The following MMP19 variants were observed in gnomAD, a reference collection of about 807,000 sequenced individuals.
MMP19 encodes matrix metalloproteinase-19.
Under a neutral mutation model 46.6 loss-of-function variants are expected in MMP19, and 47 were observed. The observed-to-expected ratio is 1.01, with a 90% CI of 0.80 to 1.29. The LOEUF is 1.29. MMP19 is among the 50% of genes most tolerant of loss of function. MMP19 has a pLI of 0.00. For synonymous variants in MMP19, 222 were observed against 248.5 expected, an observed-to-expected ratio of 0.89 and a Z score of 1.00; for missense variants, 589 against 643.5, an observed-to-expected ratio of 0.92 and a Z score of 0.92.
intron 5 of MMP19, 87 bp downstream of exon 5, chr12:55,839,409 A>G (rs1881506150): frequency 6.8e-7 from 1 of 1,477,666 alleles, no homozygotes; most frequent in Admixed American, 2.2e-5. Context: ...ACTAAGCTAT[A>G]TCCCTACATG....
chr12:55,838,356 C>G (rs1881411934), intron 6 of MMP19: 2 of 765,394 alleles, frequency 2.6e-6, no homozygotes, highest in Admixed American at 4.6e-5. Flanking sequence ...CTCCATCTTG[C>G]TGCATTTCCA....
intron 4 of MMP19, 76 bp from the exon 5 acceptor site, chr12:55,839,817 CTAAT>C: frequency 6.7e-7 from 1 of 1,492,758 alleles, no homozygotes; most frequent in Non-Finnish European, 9.0e-7. Context: ...ATTATAAACT[CTAAT>C]TAATGCATAC....
At chr12:55,839,856 C>G in intron 4 of MMP19, 115 bp from the exon 5 acceptor site, 3 of 1,345,208 alleles carry the variant, frequency 2.2e-6, no homozygotes, top group Non-Finnish European at 1.0e-6. Context: ...CAGCTATGTT[C>G]ACTGTCTCTT....
rs1037390402 is a variant in MMP19 at position 55,836,265 on chromosome 12, G to A, written c.*771C>T. The A allele has an allele frequency of 1.3e-5, 2 of 152,236 alleles. No homozygotes were observed. Among genetic ancestry groups the A allele is most frequent in the Non-Finnish European group, 2.9e-5 (2 of 68,040 alleles). The allele number at this position is 152,236 out of a possible 1,614,324, so 9.4% of individuals were successfully genotyped here. A position where few individuals can be genotyped will look rare whatever the true frequency, so the allele number is the denominator to read the frequency against. Reference sequence around the variant, plus strand: ...TACTGAACCAGGGAGTCCAGCCTCTGCTGTTGCTGCTCTTTTCTTTCTCTG... The same window carrying A: ...TACTGAACCAGGGAGTCCAGCCTCTACTGTTGCTGCTCTTTTCTTTCTCTG... On this transcript the variant is annotated 3_prime_UTR_variant, in exon 9 of 9. Transcript: ENST00000322569.
In MMP19 at chr12:55,842,428, G is replaced by C; in HGVS notation, c.98C>G (p.Ser33Ter). The change falls in exon 2 of 9, where the codon TCA (serine) becomes TGA (stop). Residue 33 changes from serine (S) to a stop codon, truncating the protein, a stop_gained. Coordinates refer to ENST00000322569, the MANE Select transcript of MMP19 (RefSeq NM_002429.6). LOFTEE classifies it high-confidence loss of function. The stretch of plus-strand genomic sequence containing the variant: ...AGGCTTCTGTAGGTACCCATATTGT[G>C]ACAGGTAGTCCTATGATGGGAGTGG... ...LAEVAPVDYL[S>*]QYGYLQKPLE... The C allele has an allele frequency of 6.2e-7, 1 of 1,612,596 alleles. No homozygotes were observed. The highest frequency in any genetic ancestry group is 8.5e-7 in the Non-Finnish European group (1 of 1,178,852).
Position 55,837,120 on chromosome 12 carries a change from T to A in MMP19, c.1443A>T (p.Pro481=). 6.2e-7 allele frequency: 1 copy of A among 1,613,670 alleles called. No individual in the cohort carries two copies. Among genetic ancestry groups the A allele is most frequent in the Non-Finnish European group, 8.5e-7 (1 of 1,179,728 alleles). Residue 481 remains proline (P), a synonymous_variant, in exon 9 of 9, where the codon CCA becomes CCT. Coordinates refer to ENST00000322569, the MANE Select transcript of MMP19 (RefSeq NM_002429.6). ...HCRPRTIDTT[P]SGGNTTPSGT... ...CTGAGGGAGTGGTATTCCCACCTGA[T>A]GGGGTAGTGTCTATAGTCCGGGGAC...
chr12:55,837,434 G>A, intron 8 of MMP19, 60 bp from the exon 9 acceptor site: 1 of 1,575,310 alleles, frequency 6.3e-7, no homozygotes, highest in Non-Finnish European at 8.6e-7. Context: ...GGACCCCCAG[G>A]GGTCCACCCC....
Position 55,835,778 on chromosome 12 carries a change from C to G in MMP19, c.*1258G>C, listed in dbSNP as rs1048746765. The G allele has an allele frequency of 1.3e-5, 2 of 152,116 alleles. No homozygotes were observed. Among genetic ancestry groups the G allele is most frequent in the African/African-American group, 2.4e-5 (1 of 41,392 alleles). 9.4% of individuals were successfully genotyped at this position (152,116 alleles called of 1,614,324 possible). ...TCTGTTTGGCCTTTCCCCCTGGGCCCCATAGGCTTAAACTACCCCCACCCC... is the reference window on the plus strand; with the variant it reads ...TCTGTTTGGCCTTTCCCCCTGGGCCGCATAGGCTTAAACTACCCCCACCCC... On this transcript the variant is annotated 3_prime_UTR_variant, in exon 9 of 9. Transcript: ENST00000322569.
intron 4 of MMP19, 137 bp downstream of exon 4, chr12:55,840,530 T>G: frequency 2.4e-6 from 2 of 840,098 alleles, no homozygotes; most frequent in Non-Finnish European, 3.6e-6. Flanking sequence ...CGTGCTCCCG[T>G]TAGGAGGTAA....
chr12:55,841,323 A>C, intron 2 of MMP19, 87 bp from the exon 3 acceptor site: 1 of 1,477,858 alleles, frequency 6.8e-7, no homozygotes, highest in Non-Finnish European at 9.3e-7. Flanking sequence ...CTGCTGCCCA[A>C]GTTCATGGCC....
At chr12:55,842,626 G>T in intron 1 of MMP19, 118 bp downstream of exon 1, 1 of 909,762 alleles carries the variant, frequency 1.1e-6, no homozygotes, top group Non-Finnish European at 1.8e-6. Flanking sequence ...AGACCATGGG[G>T]CAGAGAGAGC....
At position 55,835,636 on chromosome 12, in the gene MMP19, GT is replaced by G. The variant is rs1881158275; in HGVS notation, c.*1399del. 5 of 152,030 alleles carry G rather than the reference GT, an allele frequency of 3.3e-5. No homozygotes were observed. The highest frequency in any genetic ancestry group is 3.3e-4 in the Admixed American group (5 of 15,268). The allele number at this position is 152,030 out of a possible 1,614,324, so 9.4% of individuals were successfully genotyped here. On this transcript the variant is annotated 3_prime_UTR_variant, in exon 9 of 9. Transcript: ENST00000322569. ...CAGTGGTAAAAATAAGCATTTTTTT[GT>G]TTTGTAGGATCAGGGAGCTTCCAAG...
In MMP19 at chr12:55,839,573, A is replaced by G; in HGVS notation, c.689T>C (p.Met230Thr). 6.2e-7 allele frequency: 1 copy of G among 1,614,216 alleles called. No individual in the cohort carries two copies. Among genetic ancestry groups the G allele is most frequent in the South Asian group, 1.1e-5 (1 of 91,084 alleles). The change falls in exon 5 of 9, where the codon ATG becomes ACG. Residue 230 changes from methionine (M) to threonine (T), a missense_variant. Transcript: ENST00000322569. Reference protein sequence around the residue: ...LGHSRYSQALMAPVYEGYRPH... With the variant: ...LGHSRYSQALTAPVYEGYRPH... ...CCGGTAGCCCTCGTAGACTGGGGCC[A>G]TGAGGGCCTGGGAATATCGGGAGTG...
At chr12:55,842,657 G>A in intron 1 of MMP19, 87 bp downstream of exon 1, 1 of 1,125,848 alleles carries the variant, frequency 8.9e-7, no homozygotes, top group Non-Finnish European at 1.3e-6. Flanking sequence ...CAGGCAGGCT[G>A]AAGGTCAGGA....
In MMP19 at chr12:55,837,139, C is replaced by G. The variant is rs144373478; in HGVS notation, c.1424G>C (p.Arg475Pro). The G allele has an allele frequency of 9.3e-6, 15 of 1,613,890 alleles. No individual in the cohort carries two copies. In the African/African-American group the frequency reaches 1.5e-4, roughly 16 times the overall value. ...ACCTGATGGGGTAGTGTCTATAGTC[C>G]GGGGACGACAGTGCATCCAGTTGTG... ...ISHNWMHCRP[R>P]TIDTTPSGGN... Residue 475 changes from arginine (R) to proline (P), a missense_variant, in exon 9 of 9, where the codon CGG becomes CCG. Transcript: ENST00000322569.
rs1250298801 is a variant in MMP19, at chr12:55,840,784, C to T, written c.403G>A (p.Asp135Asn). ...ARAALRQAFQ[D>N]WSNVAPLTFQ... ...GTCAAGGGAGCCACATTGCTCCAGT[C>T]CTGGAAGGCTTGACGCAGGGCTGCC... The change falls in exon 4 of 9, where the codon GAC becomes AAC. Residue 135 changes from aspartate to asparagine, a missense_variant. Physicochemically the swap from Asp to Asn is conservative, Grantham distance 23 (BLOSUM62 1). Transcript: ENST00000322569. 9 of 1,613,712 alleles carry T rather than the reference C, an allele frequency of 5.6e-6. No individual in the cohort carries two copies. The highest frequency in any genetic ancestry group is 1.1e-5 in the South Asian group (1 of 91,068).
At chr12:55,842,256 A>G in intron 2 of MMP19, 97 bp downstream of exon 2, 1 of 949,284 alleles carries the variant, frequency 1.1e-6, no homozygotes, top group Non-Finnish European at 1.7e-6. Context: ...GGCATGGTTT[A>G]GGGTCAGGAG....
At position 55,837,237 on chromosome 12, in the gene MMP19, G is replaced by T. The variant is rs1176613898; in HGVS notation, c.1326C>A (p.Phe442Leu). 1 of 1,614,234 alleles carries T rather than the reference G, an allele frequency of 6.2e-7. No individual in the cohort carries two copies. Among genetic ancestry groups the T allele is most frequent in the East Asian group, 2.2e-5 (1 of 44,884 alleles). The change falls in exon 9 of 9, where the codon TTC becomes TTA. Residue 442 changes from phenylalanine (F) to leucine (L), a missense_variant. Phe to Leu is a conservative substitution (Grantham distance 22). Transcript: ENST00000322569. ...GGCGCCAGTAGACTTTGCCCTTGAA[G>T]AAGTAGACTCGGCCATCTTGCCAAC... ...AMSWQDGRVY[F>L]FKGKVYWRLN...
chr12:55,842,106 G>A (rs571610674), intron 2 of MMP19, among the ~76,000 whole-genome samples: 1 of 152,286 alleles, frequency 6.6e-6, no homozygotes, highest in Non-Finnish European at 1.5e-5. Flanking sequence ...ATTAGTATTT[G>A]AGATATGATG....
Sources: allele counts gnomAD v4.1 joint callset (sites outside exome capture counted in the v4.1 genomes callset), GRCh38; gene constraint gnomAD v4.1.1; transcripts MANE v1.5; gene names NCBI Gene and HGNC (gene_info 2026-07-23, HGNC 2026-07-21).